Variants in TENM2 observed in about 807,000 individuals in gnomAD.
TENM2 encodes the protein teneurin-2.
Under a neutral mutation model 245.2 loss-of-function variants are expected in TENM2, and 52 were observed. That is an observed-to-expected ratio of 0.21 (90% CI 0.17 to 0.27). TENM2 has a LOEUF of 0.27. Among genes scored for constraint, TENM2 ranks in the 10% least tolerant of loss-of-function variants. TENM2 has a pLI of 1.00. For missense variants in TENM2, 3,046 were observed against 3,666.8 expected (o/e 0.83, Z 4.37); for synonymous variants, 1,363 against 1,438.9 (o/e 0.95, Z 1.19).
intron 2 of TENM2, among the ~76,000 whole-genome samples, chr5:167,534,797 C>CT (rs1401286897): frequency 6.6e-6 from 1 of 152,212 alleles, no homozygotes; most frequent in Non-Finnish European, 1.5e-5. Flanking sequence ...CTATTATCGT[C>CT]TGTCAACGTG....
chr5:167,539,981 G>T (rs999486599), intron 2 of TENM2, among the ~76,000 whole-genome samples: 6 of 152,198 alleles, frequency 3.9e-5, no homozygotes, highest in African/African-American at 1.2e-4. Flanking sequence ...GCTCATGGGA[G>T]TTGTTGAGGC....
chr5:167,233,788 T>C, the TENM2 span, among the ~76,000 whole-genome samples: 2 of 152,294 alleles, frequency 1.3e-5, no homozygotes, highest in Admixed American at 1.3e-4. Flanking sequence ...TCAGTGAGTA[T>C]AAGAAAATTA....
intron 2 of TENM2, among the ~76,000 whole-genome samples, chr5:167,703,971 G>A (rs764588406): frequency 1.9e-4 from 29 of 152,284 alleles, no homozygotes; most frequent in Non-Finnish European, 3.7e-4. Flanking sequence ...GAGGTGGAAG[G>A]AATAGAGAGG....
intron 2 of TENM2, among the ~76,000 whole-genome samples, chr5:167,784,119 T>C (rs1259929231): frequency 6.6e-6 from 1 of 152,216 alleles, no homozygotes; most frequent in Non-Finnish European, 1.5e-5. Flanking sequence ...AGCAGTGTCA[T>C]CGTTGCAGCA....
intron 27 of TENM2, among the ~76,000 whole-genome samples, chr5:168,254,758 C>A (rs547246536): frequency 7.9e-5 from 12 of 152,196 alleles, no homozygotes; most frequent in East Asian, 1.9e-4. Context: ...AAAGACAAGG[C>A]CTTCTCAGCC....
intron 1 of TENM2, among the ~76,000 whole-genome samples, chr5:167,352,784 G>A (rs1432393593): frequency 6.6e-6 from 1 of 152,220 alleles, no homozygotes; most frequent in African/African-American, 2.4e-5. Context: ...CATATGTCAT[G>A]GTTGTCAAAG....
rs1785907884 is a variant in TENM2 at position 168,018,965 on chromosome 5, G to A, written c.1186+25783G>A. On this transcript the variant is annotated intron_variant, in intron 5 of 28. Transcript: ENST00000518659. ...GTGCTAGCATGGAAGTGAGCACGGGGAGAAGAAAAGGAGTCGTCTGTCTGT... is the reference window on the plus strand; with the variant it reads ...GTGCTAGCATGGAAGTGAGCACGGGAAGAAGAAAAGGAGTCGTCTGTCTGT... Among the ~76,000 whole-genome samples the A allele has an allele frequency of 2.0e-5, 3 of 152,156 alleles. 1 individual carries two copies. The South Asian group carries it at 6.2e-4, about 32-fold the overall frequency.
chr5:167,299,393 G>T (rs1755170787), intron 1 of TENM2, among the ~76,000 whole-genome samples: 1 of 152,142 alleles, frequency 6.6e-6, no homozygotes, highest in Admixed American at 6.6e-5. Flanking sequence ...AGACTAAGAG[G>T]TATTTTAGTT....
chr5:167,930,800 C>T (rs1473407252), intron 3 of TENM2, among the ~76,000 whole-genome samples: 1 of 151,692 alleles, frequency 6.6e-6, no homozygotes. Context: ...TTCAAGGTGC[C>T]ATTAATGGAA....
chr5:167,339,000 C>T (rs1450198463), intron 1 of TENM2, among the ~76,000 whole-genome samples: 1 of 152,106 alleles, frequency 6.6e-6, no homozygotes, highest in Non-Finnish European at 1.5e-5. Flanking sequence ...TTCAGTATGC[C>T]AAGTTTAGGG....
the TENM2 span, among the ~76,000 whole-genome samples, chr5:167,142,973 C>A: frequency 6.6e-6 from 1 of 152,162 alleles, no homozygotes; most frequent in Non-Finnish European, 1.5e-5. Flanking sequence ...AGCCTAAATA[C>A]CTGTTTTCTA....
the TENM2 span, among the ~76,000 whole-genome samples, chr5:167,142,586 T>C: frequency 6.6e-6 from 1 of 152,150 alleles, no homozygotes; most frequent in Non-Finnish European, 1.5e-5. Context: ...AGTCTCACTC[T>C]TTCACCCAGG....
At chr5:167,262,344 G>C in the TENM2 span, among the ~76,000 whole-genome samples, 1 of 148,856 alleles carries the variant, frequency 6.7e-6, no homozygotes, top group African/African-American at 2.5e-5. Context: ...GGCAACAAGA[G>C]TGTAACCCCA....
At chr5:167,160,350 G>A in the TENM2 span, among the ~76,000 whole-genome samples, 2 of 152,162 alleles carry the variant, frequency 1.3e-5, no homozygotes, top group South Asian at 4.1e-4. Flanking sequence ...TGCTTTCAAT[G>A]GTCCCTACCA....
chr5:167,847,323 A>T (rs529413364), intron 2 of TENM2, among the ~76,000 whole-genome samples: 2 of 152,340 alleles, frequency 1.3e-5, no homozygotes, highest in East Asian at 3.9e-4. Context: ...CATCTGCTTA[A>T]ATGCCTCCAC....
At chr5:167,499,637 T>A (rs980479244) in intron 2 of TENM2, among the ~76,000 whole-genome samples, 66 of 152,180 alleles carry the variant, frequency 4.3e-4, no homozygotes, top group African/African-American at 1.5e-3. Flanking sequence ...TTAAAAGATG[T>A]ATCCAAGGCT....
chr5:167,687,986 T>G (rs1471175156), intron 2 of TENM2, among the ~76,000 whole-genome samples: 1 of 152,202 alleles, frequency 6.6e-6, no homozygotes, highest in African/African-American at 2.4e-5. Flanking sequence ...ATAGCGGTAT[T>G]TATTAACAGT....
chr5:167,542,292 A>G (rs371751048), intron 2 of TENM2, among the ~76,000 whole-genome samples: 1 of 152,322 alleles, frequency 6.6e-6, no homozygotes. Context: ...ATGGTTTAAC[A>G]CATACCTTTC....
chr5:167,196,494 A>ATGTGTG, the TENM2 span, among the ~76,000 whole-genome samples: 13 of 147,482 alleles, frequency 8.8e-5, no homozygotes, highest in African/African-American at 3.2e-4. Flanking sequence ...GTGTATATAT[A>ATGTGTG]TATGTGTATA....
Sources: gnomAD v4.1 joint callset for allele counts (sites outside exome capture counted in the v4.1 genomes callset) on GRCh38, gnomAD v4.1.1 for gene constraint, MANE v1.5 for transcripts, NCBI Gene and HGNC (gene_info 2026-07-23, HGNC 2026-07-21) for gene names.